Variants in ETNK1 observed in about 807,000 individuals in gnomAD.
The protein encoded by ETNK1 is ethanolamine kinase 1.
ETNK1 carries 8 observed loss-of-function variants against 45.1 expected under a neutral mutation model. The ratio of observed to expected loss-of-function variants is 0.18; its 90% confidence interval spans 0.10 to 0.32. The LOEUF is 0.32. ETNK1 is among the 10% of genes least tolerant of loss of function. The probability of loss-of-function intolerance (pLI) is 1.00; values close to 1 mark genes in which losing one functional copy is unlikely to be tolerated. For missense variants in ETNK1, 302 were observed against 430.6 expected, an observed-to-expected ratio of 0.70 and a Z score of 2.64; for synonymous variants, 152 against 151.9, an observed-to-expected ratio of 1.00 and a Z score of -0.01.
chr12:22,641,140 A>G (rs186778057), intron 1 of ETNK1, among the ~76,000 whole-genome samples: 25 of 152,250 alleles, frequency 1.6e-4, no homozygotes, highest in Admixed American at 8.5e-4. Flanking sequence ...CCTGTAGCTG[A>G]AGAAGTTGGG....
intron 2 of ETNK1, among the ~76,000 whole-genome samples, chr12:22,645,757 T>C (rs1180994540): frequency 1.3e-5 from 2 of 151,750 alleles, no homozygotes; most frequent in Non-Finnish European, 3.0e-5. Context: ...AAATATACAA[T>C]AAATTATTGT....
intron 2 of ETNK1, 143 bp from the exon 3 acceptor site, chr12:22,658,871 A>C: frequency 5.5e-6 from 4 of 730,846 alleles, no homozygotes; most frequent in Middle Eastern, 8.0e-4. Context: ...TTCTTGCTAA[A>C]ACTGGTTTTT....
chr12:22,655,404 T>C (rs1953928393), intron 2 of ETNK1, among the ~76,000 whole-genome samples: 1 of 146,030 alleles, frequency 6.8e-6, no homozygotes, highest in Non-Finnish European at 1.5e-5. Context: ...TGGCATGATA[T>C]CAGCTCACTG....
chr12:22,648,149 C>T (rs1311453418), intron 2 of ETNK1, among the ~76,000 whole-genome samples: 1 of 151,886 alleles, frequency 6.6e-6, no homozygotes, highest in Non-Finnish European at 1.5e-5. Context: ...CCTCCACAGA[C>T]AACCTCCCCC....
rs1015751213 is a variant in ETNK1 at position 22,689,944 on chromosome 12, C to T, written c.*4990C>T. 1 of 152,276 alleles carries T rather than the reference C, an allele frequency of 6.6e-6. No homozygotes were observed. Among genetic ancestry groups the T allele is most frequent in the Non-Finnish European group, 1.5e-5 (1 of 67,876 alleles). 9.4% of individuals were successfully genotyped at this position (152,276 alleles called of 1,614,324 possible). A position where few individuals can be genotyped will look rare whatever the true frequency, so the allele number is the denominator to read the frequency against. On this transcript the variant is annotated 3_prime_UTR_variant, in exon 8 of 8. Transcript: ENST00000266517. ...CCTTTGTACAGCTTGGTCAAATTTC[C>T]ATGATATGAAGTATTTGAGTTTTAA...
chr12:22,632,973 TTA>T (rs1210901655), intron 1 of ETNK1, among the ~76,000 whole-genome samples: 15 of 152,236 alleles, frequency 9.9e-5, no homozygotes, highest in Non-Finnish European at 2.9e-5. Context: ...ATACCTCAAT[TTA>T]TATGTCTCCT....
chr12:22,659,865 G>T (rs1332889438), intron 3 of ETNK1, among the ~76,000 whole-genome samples: 1 of 151,894 alleles, frequency 6.6e-6, no homozygotes, highest in Non-Finnish European at 1.5e-5. Context: ...GTGTGCTGTG[G>T]TAAATAATAG....
chr12:22,637,244 A>G (rs565502050), intron 1 of ETNK1, among the ~76,000 whole-genome samples: 92 of 152,306 alleles, frequency 6.0e-4, no homozygotes, highest in Middle Eastern at 3.4e-3. Context: ...TTTGTTTCCC[A>G]TCTCTCAGGG....
chr12:22,640,726 A>G (rs1040474733), intron 1 of ETNK1, among the ~76,000 whole-genome samples: 3 of 137,500 alleles, frequency 2.2e-5, no homozygotes, highest in African/African-American at 3.6e-5. Context: ...TATGAGATAG[A>G]GAGACACAGA....
chr12:22,626,670 A>C (rs1418947827), intron 1 of ETNK1, among the ~76,000 whole-genome samples: 5 of 152,172 alleles, frequency 3.3e-5, no homozygotes. Context: ...TTGGGTTTTC[A>C]TGTGTTAGTT....
chr12:22,641,126 C>T (rs1280421711), intron 1 of ETNK1, among the ~76,000 whole-genome samples: 1 of 152,102 alleles, frequency 6.6e-6, no homozygotes, highest in South Asian at 2.1e-4. Flanking sequence ...CCAGTAGAAA[C>T]TCACCTGTAG....
intron 1 of ETNK1, chr12:22,626,068 C>G (rs1346849165): frequency 1.1e-5 from 4 of 353,574 alleles, no homozygotes; most frequent in African/African-American, 6.4e-5. Context: ...CAAACCCTAG[C>G]GTACTCAATT....
intron 1 of ETNK1, among the ~76,000 whole-genome samples, chr12:22,634,444 G>A (rs1015949389): frequency 1.3e-5 from 2 of 152,072 alleles, no homozygotes; most frequent in Non-Finnish European, 2.9e-5. Flanking sequence ...AAGTTCAGAG[G>A]TGTTTCTTCT....
intron 2 of ETNK1, among the ~76,000 whole-genome samples, chr12:22,647,529 T>C (rs1419160730): frequency 6.6e-6 from 1 of 151,928 alleles, no homozygotes; most frequent in Non-Finnish European, 1.5e-5. Flanking sequence ...ATTATGCTAC[T>C]GTTGAAATGT....
At chr12:22,634,970 G>T (rs1592112042) in intron 1 of ETNK1, among the ~76,000 whole-genome samples, 1 of 152,042 alleles carries the variant, frequency 6.6e-6, no homozygotes, top group Non-Finnish European at 1.5e-5. Flanking sequence ...CTAGCTTCTT[G>T]AGCTGGAAGC....
chr12:22,639,568 T>G (rs1034972462), intron 1 of ETNK1, among the ~76,000 whole-genome samples: 1 of 151,904 alleles, frequency 6.6e-6, no homozygotes, highest in Non-Finnish European at 1.5e-5. Flanking sequence ...TCCCAGCTAC[T>G]TGGGAGGCTG....
At chr12:22,656,896 A>T in intron 2 of ETNK1, 1 of 763,992 alleles carries the variant, frequency 1.3e-6, no homozygotes, top group Non-Finnish European at 1.6e-6. Context: ...GTTGACATAG[A>T]TTGCCCCTTG....
intron 1 of ETNK1, among the ~76,000 whole-genome samples, chr12:22,640,646 C>A (rs1024652409): frequency 6.6e-6 from 1 of 152,076 alleles, no homozygotes; most frequent in East Asian, 1.9e-4. Context: ...GTTCTAAGTA[C>A]TTTTATGTGT....
chr12:22,645,754 C>T (rs1351904517), intron 2 of ETNK1, among the ~76,000 whole-genome samples: 4 of 151,428 alleles, frequency 2.6e-5, no homozygotes, highest in African/African-American at 7.3e-5. Flanking sequence ...TTGAAATATA[C>T]AATAAATTAT....
Sources: allele counts gnomAD v4.1 joint callset (sites outside exome capture counted in the v4.1 genomes callset), GRCh38; gene constraint gnomAD v4.1.1; transcripts MANE v1.5; gene names NCBI Gene and HGNC (gene_info 2026-07-23, HGNC 2026-07-21).